The following NRXN1 variants were observed in gnomAD, a reference collection of about 807,000 sequenced individuals.
NRXN1 encodes neurexin-1.
NRXN1 carries 39 observed loss-of-function variants against 150.9 expected under a neutral mutation model. The ratio of observed to expected loss-of-function variants is 0.26; its 90% CI spans 0.20 to 0.34. NRXN1 has a LOEUF of 0.34. NRXN1 is among the 10% of genes least tolerant of loss of function. The probability of loss-of-function intolerance (pLI) is 1.00; values close to 1 mark genes in which losing one functional copy is unlikely to be tolerated. For missense variants in NRXN1, 1,815 were observed against 1,949.9 expected, an observed-to-expected ratio of 0.93 and a Z score of 1.30; for synonymous variants, 924 against 757.0, an observed-to-expected ratio of 1.22 and a Z score of -3.62.
chr2:50,350,019 A>G (rs888771310), intron 17 of NRXN1, among the ~76,000 whole-genome samples: 1 of 152,236 alleles, frequency 6.6e-6, no homozygotes, highest in Non-Finnish European at 1.5e-5. Context: ...CATTATTCAC[A>G]GTAGCTGTGG....
intron 8 of NRXN1, among the ~76,000 whole-genome samples, chr2:50,616,791 C>G (rs2104187758): frequency 6.6e-6 from 1 of 152,240 alleles, no homozygotes; most frequent in South Asian, 2.1e-4. Flanking sequence ...TCCTTCAAGA[C>G]TGGTTATGCT....
chr2:49,961,358 C>T (rs1239711246), intron 21 of NRXN1, among the ~76,000 whole-genome samples: 3 of 151,766 alleles, frequency 2.0e-5, no homozygotes, highest in Non-Finnish European at 2.9e-5. Flanking sequence ...ATCAATCTCT[C>T]AATCTCCCGT....
chr2:50,239,672 A>AC (rs1214659497), intron 17 of NRXN1, among the ~76,000 whole-genome samples: 1 of 29,080 alleles, frequency 3.4e-5, no homozygotes, highest in Non-Finnish European at 6.9e-5. Context: ...GTATATATAT[A>AC]TATATATATA....
intron 18 of NRXN1, among the ~76,000 whole-genome samples, chr2:50,102,316 T>A (rs972882917): frequency 6.6e-6 from 1 of 152,018 alleles, no homozygotes; most frequent in Non-Finnish European, 1.5e-5. Flanking sequence ...ATACCACTCA[T>A]CCCATGACTC....
At chr2:50,750,105 T>C (rs1031314652) in intron 5 of NRXN1, among the ~76,000 whole-genome samples, 4 of 152,002 alleles carry the variant, frequency 2.6e-5, no homozygotes, top group South Asian at 2.1e-4. Context: ...GGTCCTGTAG[T>C]TCTATTCTAC....
chr2:51,017,503 C>CTTTTTT (rs70958638), intron 2 of NRXN1, among the ~76,000 whole-genome samples: 2 of 44,318 alleles, frequency 4.5e-5, no homozygotes, highest in Admixed American at 3.1e-4. Flanking sequence ...CCACATCTGG[C>CTTTTTT]TTTTTTTTTT....
chr2:50,358,561 A>C (rs2078979664), intron 17 of NRXN1, among the ~76,000 whole-genome samples: 1 of 152,212 alleles, frequency 6.6e-6, no homozygotes, highest in Non-Finnish European at 1.5e-5. Flanking sequence ...ACATCTCTGA[A>C]AAAAAGACAG....
chr2:50,160,941 C>T (rs2059328896), intron 18 of NRXN1, among the ~76,000 whole-genome samples: 1 of 151,932 alleles, frequency 6.6e-6, no homozygotes, highest in South Asian at 2.1e-4. Flanking sequence ...GAAAAGTTGG[C>T]TTAATATTTG....
intron 5 of NRXN1, among the ~76,000 whole-genome samples, chr2:50,854,264 G>A (rs1386251221): frequency 6.6e-6 from 1 of 152,010 alleles, no homozygotes; most frequent in African/African-American, 2.4e-5. Context: ...AGTCAAAATG[G>A]TATTTCACTT....
chr2:50,817,036 G>C (rs1046311674), intron 5 of NRXN1, among the ~76,000 whole-genome samples: 1 of 151,922 alleles, frequency 6.6e-6, no homozygotes, highest in African/African-American at 2.4e-5. Context: ...AAAGAAAAAG[G>C]GTCATGAGGA....
rs561149421 is a variant in NRXN1 at position 50,709,888 on chromosome 2, A to G, written c.833-86273T>C. Among the ~76,000 whole-genome samples the G allele has an allele frequency of 3.3e-5, 5 of 152,308 alleles. No homozygotes were observed. In the South Asian group the frequency reaches 1.0e-3, roughly 32 times the overall value. On this transcript the variant is annotated intron_variant, in intron 5 of 22. Transcript: ENST00000401669. Reference sequence around the variant, plus strand: ...AAGATCACAAGGCTATCAAGAATTCAATTAGAATGAAGGTCCTTTATTGGC... The same window carrying G: ...AAGATCACAAGGCTATCAAGAATTCGATTAGAATGAAGGTCCTTTATTGGC...
intron 21 of NRXN1, among the ~76,000 whole-genome samples, chr2:49,998,675 A>ATTT (rs1558662854): frequency 2.6e-5 from 4 of 151,908 alleles, no homozygotes; most frequent in African/African-American, 9.7e-5. Flanking sequence ...AACCTTTTTA[A>ATTT]AAAAAATAAT....
chr2:50,338,573 A>C (rs1348228460), intron 17 of NRXN1, among the ~76,000 whole-genome samples: 1 of 152,172 alleles, frequency 6.6e-6, no homozygotes, highest in Admixed American at 6.5e-5. Flanking sequence ...ATAAAATGAT[A>C]TAGATGCATA....
intron 17 of NRXN1, among the ~76,000 whole-genome samples, chr2:50,264,912 CAT>C (rs1171540930): frequency 6.6e-6 from 1 of 152,096 alleles, no homozygotes; most frequent in Non-Finnish European, 1.5e-5. Flanking sequence ...TGACTAATCA[CAT>C]GTGAAATTAA....
At chr2:50,264,679 C>G (rs949362675) in intron 17 of NRXN1, among the ~76,000 whole-genome samples, 7 of 151,904 alleles carry the variant, frequency 4.6e-5, no homozygotes, top group Non-Finnish European at 8.8e-5. Flanking sequence ...GAAGAAACTC[C>G]CCCAGAATAT....
intron 5 of NRXN1, among the ~76,000 whole-genome samples, chr2:50,672,151 T>C (rs1196468741): frequency 3.3e-5 from 5 of 151,964 alleles, no homozygotes; most frequent in Non-Finnish European, 7.4e-5. Flanking sequence ...CTCTGTTGAC[T>C]ATTTACAGCA....
intron 5 of NRXN1, among the ~76,000 whole-genome samples, chr2:50,630,103 A>C (rs1444368574): frequency 2.0e-5 from 3 of 151,750 alleles, no homozygotes; most frequent in Non-Finnish European, 1.5e-5. Flanking sequence ...TTTCAGTCCC[A>C]TTCCATATCC....
At chr2:50,163,180 A>ATATG (rs1024306502) in intron 18 of NRXN1, among the ~76,000 whole-genome samples, 8 of 148,402 alleles carry the variant, frequency 5.4e-5, no homozygotes, top group African/African-American at 1.7e-4. Context: ...ATATATATAT[A>ATATG]TATATAAAAC....
intron 5 of NRXN1, among the ~76,000 whole-genome samples, chr2:50,812,234 T>C (rs1248702460): frequency 6.6e-6 from 1 of 152,182 alleles, no homozygotes; most frequent in Non-Finnish European, 1.5e-5. Context: ...GGAGAACATA[T>C]AAATATAGCA....
Sources: allele counts gnomAD v4.1 joint callset (sites outside exome capture counted in the v4.1 genomes callset), GRCh38; gene constraint gnomAD v4.1.1; transcripts MANE v1.5; gene names NCBI Gene and HGNC (gene_info 2026-07-23, HGNC 2026-07-21).